KIRREL3: variants seen among roughly 807,000 people sequenced by gnomAD.
KIRREL3 encodes the protein kin of IRRE-like protein 3.
In KIRREL3, 36 loss-of-function variants were observed where a neutral mutation model predicts 89.7. That is an observed-to-expected ratio of 0.40 (90% CI 0.31 to 0.53). The LOEUF is 0.53. KIRREL3 is among the 20% of genes least tolerant of loss of function. KIRREL3 has a pLI of 0.49. For synonymous variants in KIRREL3, 445 were observed against 441.4 expected (o/e 1.01, Z -0.10); for missense variants, 864 against 1,056.6 (o/e 0.82, Z 2.53).
At chr11:126,942,143 A>G (rs573121519) in intron 1 of KIRREL3, among the ~76,000 whole-genome samples, 12 of 152,322 alleles carry the variant, frequency 7.9e-5, no homozygotes, top group Admixed American at 7.8e-4. Context: ...GCGTACGCCC[A>G]TGAAGCCCTG....
rs562808039 is a variant in KIRREL3, at chr11:126,614,174, T to C, written c.56-51262A>G. Among the ~76,000 whole-genome samples the C allele has an allele frequency of 2.4e-4, 36 of 152,132 alleles. No individual in the cohort carries two copies. The highest frequency in any genetic ancestry group is 4.6e-4 in the Non-Finnish European group (31 of 68,020). ...AGAGAAGGGGGATTAACATGTGCGCTTTAAGGGTTGGAAAAGTTCGATCTA... is the reference window on the plus strand; with the variant it reads ...AGAGAAGGGGGATTAACATGTGCGCCTTAAGGGTTGGAAAAGTTCGATCTA... On this transcript the variant is annotated intron_variant, in intron 1 of 16. Coordinates refer to ENST00000525144, the MANE Select transcript of KIRREL3 (RefSeq NM_032531.4). The surrounding 1 kb of genome is among the most constrained non-coding windows in gnomAD (Gnocchi z 4.6).
At position 126,904,105 on chromosome 11, in the gene KIRREL3, C is replaced by T. The variant is rs1203642641; in HGVS notation, c.55+96350G>A. ...GAAGGTCCTTTCCAACTCTAAATTG[C>T]TATGATTTTATGAAGATGGCATAGA... On this transcript the variant is annotated intron_variant, in intron 1 of 16. Transcript: ENST00000525144. The surrounding 1 kb of genome is among the most constrained non-coding windows in gnomAD (Gnocchi z 4.4). 3.9e-5 allele frequency among the ~76,000 whole-genome samples: 6 copies of T among 152,182 alleles called. No individual in the cohort carries two copies. Among genetic ancestry groups the T allele is most frequent in the African/African-American group, 1.4e-4 (6 of 41,454 alleles).
intron 11 of KIRREL3, among the ~76,000 whole-genome samples, chr11:126,439,876 T>G (rs1955495040): frequency 6.6e-6 from 1 of 151,060 alleles, no homozygotes. Context: ...ACCAAGCAGA[T>G]AGCTGGTAGG....
chr11:126,497,417 G>A (rs1051152288), intron 4 of KIRREL3, among the ~76,000 whole-genome samples: 5 of 152,166 alleles, frequency 3.3e-5, no homozygotes, highest in Non-Finnish European at 7.3e-5. Context: ...CATATTGCAA[G>A]TCAAAGGGAG....
chr11:126,684,279 T>G lies in KIRREL3; in HGVS notation c.56-121367A>C, dbSNP rs544190069. Among the ~76,000 whole-genome samples the G allele has an allele frequency of 6.6e-6, 1 of 152,238 alleles. No individual in the cohort carries two copies. The highest frequency in any genetic ancestry group is 2.4e-5 in the African/African-American group (1 of 41,466). On this transcript the variant is annotated intron_variant, in intron 1 of 16. Transcript: ENST00000525144. The surrounding 1 kb of genome is among the most constrained non-coding windows in gnomAD (Gnocchi z 4.2). ...GGGCTTGCTGGACCCATTTCTGCCC[T>G]TCTGAAAGCGGGAGTTAGACTAGAT...
chr11:126,692,839 G>A (rs2135137990), intron 1 of KIRREL3, among the ~76,000 whole-genome samples: 1 of 152,312 alleles, frequency 6.6e-6, no homozygotes, highest in East Asian at 1.9e-4. Flanking sequence ...AGGGACAGGT[G>A]ACCCCTCCTT....
intron 1 of KIRREL3, among the ~76,000 whole-genome samples, chr11:126,673,151 C>T (rs561572755): frequency 5.9e-4 from 90 of 152,270 alleles, no homozygotes; most frequent in African/African-American, 1.9e-3. Context: ...TTGTATTCCG[C>T]GAATGCAGAC....
rs146588169 is a variant in KIRREL3, at chr11:126,983,046, C to T, written c.55+17409G>A. ...GTAGTAACTCCATTGATTATGTAAG[C>T]GTAATTTGTGCCAAGTCATAGTATG... On this transcript the variant is annotated intron_variant, in intron 1 of 16. Coordinates refer to ENST00000525144, the MANE Select transcript of KIRREL3 (RefSeq NM_032531.4). The surrounding 1 kb of genome is among the most constrained non-coding windows in gnomAD (Gnocchi z 4.9). Among the ~76,000 whole-genome samples, 19 of 152,216 alleles carry T rather than the reference C, an allele frequency of 1.2e-4. No homozygotes were observed. The East Asian group carries it at 2.7e-3, about 22-fold the overall frequency.
At position 126,844,114 on chromosome 11, in the gene KIRREL3, C is replaced by T. The variant is rs1335311118; in HGVS notation, c.55+156341G>A. ...CCTCTTTTGGAGTCTGGATGGGGAC[C>T]CCTTTCCAGTAACATCTTCCTGGTA... On this transcript the variant is annotated intron_variant, in intron 1 of 16. Transcript: ENST00000525144. The surrounding 1 kb of genome is among the most constrained non-coding windows in gnomAD (Gnocchi z 4.8). Among the ~76,000 whole-genome samples the T allele has an allele frequency of 6.6e-6, 1 of 152,112 alleles. No individual in the cohort carries two copies. The highest frequency in any genetic ancestry group is 1.5e-5 in the Non-Finnish European group (1 of 68,020).
chr11:126,725,498 T>G lies in KIRREL3; in HGVS notation c.56-162586A>C, dbSNP rs547625200. On this transcript the variant is annotated intron_variant, in intron 1 of 16. Coordinates refer to ENST00000525144, the MANE Select transcript of KIRREL3 (RefSeq NM_032531.4). ...CATACATCTCATTGTTGCCTGTCCA[T>G]AAACAAAAACATTATCATGCCCATG... is the stretch of plus-strand genomic sequence containing the variant. 8.5e-4 allele frequency among the ~76,000 whole-genome samples: 129 copies of G among 152,360 alleles called. 2 individuals are homozygous for G. The South Asian group carries it at 0.024, about 28-fold the overall frequency.
At chr11:126,630,601 A>G (rs1260567984) in intron 1 of KIRREL3, among the ~76,000 whole-genome samples, 1 of 152,136 alleles carries the variant, frequency 6.6e-6, no homozygotes, top group East Asian at 1.9e-4. Context: ...TTATCCAGCA[A>G]TGACTTACCT....
In KIRREL3 at chr11:126,708,582, G is replaced by A. The variant is rs932565753; in HGVS notation, c.56-145670C>T. 1.3e-5 allele frequency among the ~76,000 whole-genome samples: 2 copies of A among 152,116 alleles called. No individual in the cohort carries two copies. Among genetic ancestry groups the A allele is most frequent in the South Asian group, 2.1e-4 (1 of 4,808 alleles). The stretch of plus-strand genomic sequence containing the variant: ...GTTGCTGTTCCGACGTGGGCTCCGG[G>A]GTGGGGAAGGAAGGAGGGCGTTCGG... On this transcript the variant is annotated intron_variant, in intron 1 of 16. Transcript: ENST00000525144. The surrounding 1 kb of genome is among the most constrained non-coding windows in gnomAD (Gnocchi z 5.7).
chr11:126,502,996 T>C (rs1226370501), intron 4 of KIRREL3, among the ~76,000 whole-genome samples: 1 of 152,182 alleles, frequency 6.6e-6, no homozygotes, highest in Non-Finnish European at 1.5e-5. Flanking sequence ...GTCACCAGTA[T>C]AAAAACATGA....
intron 1 of KIRREL3, among the ~76,000 whole-genome samples, chr11:126,859,681 C>G (rs1234600903): frequency 1.3e-5 from 2 of 152,230 alleles, no homozygotes; most frequent in Admixed American, 1.3e-4. Context: ...TACACCTCAA[C>G]TGGGGAAGGA....
At chr11:126,756,903 G>A (rs1303005045) in intron 1 of KIRREL3, among the ~76,000 whole-genome samples, 2 of 152,140 alleles carry the variant, frequency 1.3e-5, no homozygotes, top group South Asian at 2.1e-4. Flanking sequence ...TCCATTTCTC[G>A]AAGGCACCAC....
rs561706690 is a variant in KIRREL3 at position 126,740,500 on chromosome 11, A to G, written c.56-177588T>C. Among the ~76,000 whole-genome samples, 5 of 151,878 alleles carry G rather than the reference A, an allele frequency of 3.3e-5. No individual in the cohort carries two copies. The highest frequency in any genetic ancestry group is 5.9e-5 in the Non-Finnish European group (4 of 67,956). On this transcript the variant is annotated intron_variant, in intron 1 of 16. Coordinates refer to ENST00000525144, the MANE Select transcript of KIRREL3 (RefSeq NM_032531.4). This position sits in a 1 kb window ranked among gnomAD's most constrained non-coding sequence, Gnocchi z 6.0. ...CTTGAGTGTGACACAAAAGCCCCCC[A>G]CTCACAGATCCCTCTCCTACCCAGG...
chr11:126,952,728 A>G (rs1210198811), intron 1 of KIRREL3, among the ~76,000 whole-genome samples: 1 of 152,206 alleles, frequency 6.6e-6, no homozygotes, highest in Non-Finnish European at 1.5e-5. Flanking sequence ...TCTTTAATCC[A>G]TCTTGAGTTA....
In KIRREL3 at chr11:126,897,316, G is replaced by A. The variant is rs1946205276; in HGVS notation, c.55+103139C>T. 6.6e-6 allele frequency among the ~76,000 whole-genome samples: 1 copy of A among 152,138 alleles called. No individual in the cohort carries two copies. Among genetic ancestry groups the A allele is most frequent in the Non-Finnish European group, 1.5e-5 (1 of 68,030 alleles). Reference sequence around the variant, plus strand: ...TGTCCAGGACTGAGGGGACAGTCATGAGGGGGAGATGACACAGTTTAGGAC... The same window carrying A: ...TGTCCAGGACTGAGGGGACAGTCATAAGGGGGAGATGACACAGTTTAGGAC... On this transcript the variant is annotated intron_variant, in intron 1 of 16. Transcript: ENST00000525144. The surrounding 1 kb of genome is among the most constrained non-coding windows in gnomAD (Gnocchi z 4.2).
Position 126,563,441 on chromosome 11 carries a change from G to GA in KIRREL3, c.56-530_56-529insT, listed in dbSNP as rs1318265571. Among the ~76,000 whole-genome samples the GA allele has an allele frequency of 6.6e-6, 1 of 152,196 alleles. No individual in the cohort carries two copies. On this transcript the variant is annotated intron_variant, in intron 1 of 16. Transcript: ENST00000525144. The surrounding 1 kb of genome is among the most constrained non-coding windows in gnomAD (Gnocchi z 6.8). ...GATTGCGTGAGTTTAGGGCAGCGGG[G>GA]CGACACAGAGGTTAAGGTATAGGCA... is the stretch of plus-strand genomic sequence containing the variant.
Sources: gnomAD v4.1 joint callset for allele counts (sites outside exome capture counted in the v4.1 genomes callset) on GRCh38, gnomAD v4.1.1 for gene constraint, Gnocchi (gnomAD v3.1) non-coding constraint, MANE v1.5 for transcripts, NCBI Gene and HGNC (gene_info 2026-07-23, HGNC 2026-07-21) for gene names.